TFB2M: variants seen among roughly 807,000 people sequenced by gnomAD.
TFB2M encodes the protein transcription factor B2, mitochondrial.
Under a neutral mutation model 41.3 loss-of-function variants are expected in TFB2M, and 44 were observed. The ratio of observed to expected loss-of-function variants is 1.07; its 90% confidence interval spans 0.84 to 1.37. TFB2M has a LOEUF of 1.37. Among genes scored for constraint, TFB2M ranks in the 40% most tolerant of loss-of-function variants. The probability of loss-of-function intolerance (pLI) is 0.00; values close to 1 mark genes in which losing one functional copy is unlikely to be tolerated. For missense variants in TFB2M, 496 were observed against 490.2 expected, an observed-to-expected ratio of 1.01 and a Z score of -0.11; for synonymous variants, 188 against 176.8, an observed-to-expected ratio of 1.06 and a Z score of -0.50.
chr1:246,555,719 T>C (rs1355820073), intron 4 of TFB2M, among the ~76,000 whole-genome samples: 1 of 152,198 alleles, frequency 6.6e-6, no homozygotes, highest in Admixed American at 6.5e-5. Context: ...TGCAGCATTA[T>C]TCCCAACAGC....
chr1:246,544,047 T>C (rs1403552605), intron 7 of TFB2M, among the ~76,000 whole-genome samples: 2 of 152,208 alleles, frequency 1.3e-5, no homozygotes, highest in African/African-American at 2.4e-5. Flanking sequence ...TAGTGTTACT[T>C]ACAAGCTATT....
In TFB2M at chr1:246,542,842, T is replaced by A. The variant is rs563190845; in HGVS notation, c.1020-1640A>T. 2.6e-5 allele frequency among the ~76,000 whole-genome samples: 4 copies of A among 151,956 alleles called. No homozygotes were observed. In the East Asian group the frequency reaches 7.7e-4, roughly 29 times the overall value. ...TCAAAATAGCCACAAGGTGGCAAGA[T>A]GAAAAATAATAGATTGCCTTTTATT... On this transcript the variant is annotated intron_variant, in intron 7 of 7. Coordinates refer to ENST00000366514, the MANE Select transcript of TFB2M (RefSeq NM_022366.3).
intron 1 of TFB2M, among the ~76,000 whole-genome samples, chr1:246,564,820 C>A (rs554772341): frequency 6.6e-6 from 1 of 152,192 alleles, no homozygotes; most frequent in East Asian, 1.9e-4. Flanking sequence ...GCTGGGATTA[C>A]AGGCGCCCGC....
At chr1:246,554,541 C>T (rs370899405) in intron 4 of TFB2M, among the ~76,000 whole-genome samples, 6 of 152,070 alleles carry the variant, frequency 3.9e-5, no homozygotes, top group East Asian at 1.9e-4. Flanking sequence ...AATCTAATCC[C>T]GATGATCTGT....
Position 246,540,998 on chromosome 1 carries a change from T to C in TFB2M, c.*33A>G, listed in dbSNP as rs1453333349. 6 of 1,571,270 alleles carry C rather than the reference T, an allele frequency of 3.8e-6. No individual in the cohort carries two copies. Among genetic ancestry groups the C allele is most frequent in the South Asian group, 2.4e-5 (2 of 84,916 alleles). ...TTTCATGTCATAGTTTCCAAATAAA[T>C]GAACCGCTCCACCAAAAACGACAGT... is the stretch of plus-strand genomic sequence containing the variant. On this transcript the variant is annotated 3_prime_UTR_variant, in exon 8 of 8. Transcript: ENST00000366514.
chr1:246,559,444 G>A (rs532276372), intron 2 of TFB2M, among the ~76,000 whole-genome samples: 3 of 152,298 alleles, frequency 2.0e-5, no homozygotes, highest in Admixed American at 6.5e-5. Context: ...AGCTATTGGG[G>A]AGGTGAAGTG....
At chr1:246,549,820 T>C (rs1430399092) in intron 5 of TFB2M, among the ~76,000 whole-genome samples, 1 of 152,188 alleles carries the variant, frequency 6.6e-6, no homozygotes, top group Non-Finnish European at 1.5e-5. Flanking sequence ...GTGAAATTCC[T>C]AGCAGTTCCA....
At position 246,566,189 on chromosome 1, in the gene TFB2M, G is replaced by C. The variant is rs527545917; in HGVS notation, c.-51C>G. The C allele has an allele frequency of 3.2e-6, 5 of 1,556,070 alleles. No individual in the cohort carries two copies. The South Asian group carries it at 4.7e-5, about 14-fold the overall frequency. ...AGAATCACCTAGTGCAGCTACTACA[G>C]TGAACCCCACGCAGGGTATCCCACG... On this transcript the variant is annotated 5_prime_UTR_variant, in exon 1 of 8. Coordinates refer to ENST00000366514, the MANE Select transcript of TFB2M (RefSeq NM_022366.3).
At chr1:246,555,220 C>T (rs1659289260) in intron 4 of TFB2M, among the ~76,000 whole-genome samples, 1 of 152,110 alleles carries the variant, frequency 6.6e-6, no homozygotes, top group Non-Finnish European at 1.5e-5. Flanking sequence ...AAATCGGAAC[C>T]CTTGTGCACT....
At chr1:246,560,414 T>TGAGA (rs1659428158) in intron 2 of TFB2M, among the ~76,000 whole-genome samples, 1 of 152,072 alleles carries the variant, frequency 6.6e-6, no homozygotes, top group Non-Finnish European at 1.5e-5. Context: ...TCCCAGTTGC[T>TGAGA]TGGGAGGCTG....
chr1:246,544,998 G>A (rs991561620), intron 6 of TFB2M, among the ~76,000 whole-genome samples: 16 of 151,772 alleles, frequency 1.1e-4, no homozygotes, highest in Non-Finnish European at 2.1e-4. Flanking sequence ...GTAGAGATGG[G>A]GTTTCACCGT....
intron 2 of TFB2M, among the ~76,000 whole-genome samples, chr1:246,560,597 CCATA>C (rs1484579381): frequency 6.6e-6 from 1 of 152,176 alleles, no homozygotes; most frequent in East Asian, 1.9e-4. Flanking sequence ...TGAGAGGGCA[CCATA>C]CATTCTTGCT....
intron 6 of TFB2M, among the ~76,000 whole-genome samples, chr1:246,545,095 C>G (rs145986434): frequency 2.0e-5 from 3 of 152,116 alleles, no homozygotes; most frequent in Non-Finnish European, 2.9e-5. Flanking sequence ...CGTGAGCCAC[C>G]GTGCCCGGCC....
chr1:246,559,404 C>T (rs1659399203), intron 2 of TFB2M, among the ~76,000 whole-genome samples: 2 of 152,026 alleles, frequency 1.3e-5, no homozygotes, highest in Admixed American at 6.6e-5. Context: ...CAAAAGTAAG[C>T]CAGGGGTGGT....
At chr1:246,558,619 G>A (rs1659382446) in intron 2 of TFB2M, among the ~76,000 whole-genome samples, 2 of 152,158 alleles carry the variant, frequency 1.3e-5, no homozygotes, top group Non-Finnish European at 2.9e-5. Flanking sequence ...AAAAATGAAA[G>A]ATGTTTCACA....
rs1177314481 is a variant in TFB2M, at chr1:246,565,963, T to C, written c.176A>G (p.Asn59Ser). 3 of 1,614,202 alleles carry C rather than the reference T, an allele frequency of 1.9e-6. No homozygotes were observed. Among genetic ancestry groups the C allele is most frequent in the Non-Finnish European group, 8.5e-7 (1 of 1,180,024 alleles). The change falls in exon 1 of 8, where the codon AAT becomes AGT. Residue 59 changes from asparagine (N) to serine (S), a missense_variant. Coordinates refer to ENST00000366514, the MANE Select transcript of TFB2M (RefSeq NM_022366.3). ...GGCCTTAGACGCCTTCCTTGGCGGATTCCTGAAATCCGGTTCGGGCCACAG... is the reference window on the plus strand; with the variant it reads ...GGCCTTAGACGCCTTCCTTGGCGGACTCCTGAAATCCGGTTCGGGCCACAG... ...PQLWPEPDFRNPPRKASKASL... is the reference protein window; with the variant it reads ...PQLWPEPDFRSPPRKASKASL...
chr1:246,551,367 A>T, intron 4 of TFB2M, 65 bp from the exon 5 acceptor site: 3 of 1,121,404 alleles, frequency 2.7e-6, no homozygotes, highest in Non-Finnish European at 4.1e-6. Flanking sequence ...ACAAATGCTG[A>T]CTCTTAATAG....
At position 246,544,565 on chromosome 1, in the gene TFB2M, C is replaced by T. The variant is rs1488132954; in HGVS notation, c.975G>A (p.Lys325=). 6.2e-7 allele frequency: 1 copy of T among 1,610,378 alleles called. No homozygotes were observed. Among genetic ancestry groups the T allele is most frequent in the Non-Finnish European group, 8.5e-7 (1 of 1,179,164 alleles). The part of the protein sequence containing the change: ...MNYNIFFHLL[K]HCFGRRSATV... Reference sequence around the variant, plus strand: ...TGGCGCTGCGCCTCCCAAAACAGTGCTTTAACAAGTGAAAAAATATATTAT... The same window carrying T: ...TGGCGCTGCGCCTCCCAAAACAGTGTTTTAACAAGTGAAAAAATATATTAT... The change falls in exon 7 of 8, where the codon AAG becomes AAA. Residue 325 remains lysine, a synonymous_variant. Transcript: ENST00000366514.
At chr1:246,565,440 G>A (rs887245052) in intron 1 of TFB2M, among the ~76,000 whole-genome samples, 1 of 152,226 alleles carries the variant, frequency 6.6e-6, no homozygotes, top group African/African-American at 2.4e-5. Flanking sequence ...CTGGACGGGC[G>A]CAGTGGCTCA....
Sources: allele counts gnomAD v4.1 joint callset (sites outside exome capture counted in the v4.1 genomes callset), GRCh38; gene constraint gnomAD v4.1.1; transcripts MANE v1.5; gene names NCBI Gene and HGNC (gene_info 2026-07-23, HGNC 2026-07-21).